The following CNTNAP2 variants were observed in gnomAD, a reference collection of about 807,000 sequenced individuals.
The protein encoded by CNTNAP2 is contactin-associated protein-like 2.
CNTNAP2 carries 98 observed loss-of-function variants against 155.2 expected under a neutral mutation model. The ratio of observed to expected loss-of-function variants is 0.63; its 90% CI spans 0.54 to 0.75. The LOEUF (loss-of-function observed/expected upper bound fraction) is 0.75. Among genes scored for constraint, CNTNAP2 ranks in the 30% least tolerant of loss-of-function variants. CNTNAP2 has a pLI of 0.00. For synonymous variants in CNTNAP2, 651 were observed against 631.2 expected (o/e 1.03, Z -0.47); for missense variants, 1,727 against 1,688.1 (o/e 1.02, Z -0.40).
At chr7:146,721,834 G>A (rs1370339435) in intron 1 of CNTNAP2, among the ~76,000 whole-genome samples, 1 of 101,400 alleles carries the variant, frequency 9.9e-6, no homozygotes, top group African/African-American at 5.9e-5. Flanking sequence ...ACTATATATA[G>A]TCTATATATA....
At chr7:147,687,820 T>C (rs1231415143) in intron 13 of CNTNAP2, among the ~76,000 whole-genome samples, 1 of 152,058 alleles carries the variant, frequency 6.6e-6, no homozygotes, top group Non-Finnish European at 1.5e-5. Context: ...GAAGTTAGGG[T>C]ACTAAGAGTG....
intron 15 of CNTNAP2, among the ~76,000 whole-genome samples, chr7:148,054,446 C>CTTTTTTTTTTTTTTTTTTTTTTT: frequency 9.2e-6 from 1 of 108,860 alleles, no homozygotes. Flanking sequence ...CTCTCAGTGG[C>CTTTTTTTTTTTTTTTTTTTTTTT]CTTTTTTTTT....
At chr7:146,728,202 C>G (rs1473471890) in intron 1 of CNTNAP2, among the ~76,000 whole-genome samples, 1 of 151,900 alleles carries the variant, frequency 6.6e-6, no homozygotes, top group Non-Finnish European at 1.5e-5. Flanking sequence ...TCAGGTAAAG[C>G]GTTCATCTTG....
chr7:146,433,676 C>G (rs1035966704), intron 1 of CNTNAP2, among the ~76,000 whole-genome samples: 1 of 152,072 alleles, frequency 6.6e-6, no homozygotes, highest in African/African-American at 2.4e-5. Flanking sequence ...TTGCAAAATG[C>G]TTCTCTATAC....
At position 148,233,985 on chromosome 7, in the gene CNTNAP2, C is replaced by T. The variant is rs375182625; in HGVS notation, c.3381+4206C>T. Among the ~76,000 whole-genome samples the T allele has an allele frequency of 3.9e-5, 6 of 152,300 alleles. 1 individual carries two copies. Among genetic ancestry groups the T allele is most frequent in the African/African-American group, 1.2e-4 (5 of 41,540 alleles). ...GCCATGTAAGACATGCCTGCTACCC[C>T]TTTGTCTTCTACTATGATTGTAAGT... On this transcript the variant is annotated intron_variant, in intron 20 of 23. Transcript: ENST00000361727.
intron 1 of CNTNAP2, among the ~76,000 whole-genome samples, chr7:146,770,317 T>TAC (rs60507060): frequency 0.24 from 33,941 of 143,516 alleles, 3,893 homozygotes; most frequent in East Asian, 0.36. Flanking sequence ...TGTGTGTGTA[T>TAC]ACACACACAC....
At chr7:146,986,791 T>C (rs926135323) in intron 3 of CNTNAP2, among the ~76,000 whole-genome samples, 1 of 152,182 alleles carries the variant, frequency 6.6e-6, no homozygotes, top group Non-Finnish European at 1.5e-5. Context: ...TTTCATATAT[T>C]TGTTGGCCAT....
intron 1 of CNTNAP2, among the ~76,000 whole-genome samples, chr7:146,157,180 C>T (rs1486141416): frequency 2.0e-5 from 3 of 151,902 alleles, no homozygotes; most frequent in South Asian, 4.1e-4. Flanking sequence ...AATTTCCAAA[C>T]ATCTAGATCT....
rs553056524 is a variant in CNTNAP2 at position 147,610,386 on chromosome 7, C to T, written c.1898-28720C>T. Among the ~76,000 whole-genome samples, 246 of 151,864 alleles carry T rather than the reference C, an allele frequency of 1.6e-3. 2 individuals carry two copies. Among genetic ancestry groups the T allele is most frequent in the African/African-American group, 5.9e-3 (243 of 41,430 alleles). ...GGTGAGATTACTGGGGCAAAGATTT[C>T]TTGACAATTGAGTTCCTTTTGAAGG... On this transcript the variant is annotated intron_variant, in intron 12 of 23. Coordinates refer to ENST00000361727, the MANE Select transcript of CNTNAP2 (RefSeq NM_014141.6).
chr7:147,738,372 A>C (rs1037058608), intron 13 of CNTNAP2, among the ~76,000 whole-genome samples: 3 of 152,220 alleles, frequency 2.0e-5, no homozygotes, highest in South Asian at 2.1e-4. Flanking sequence ...AAAATATTTC[A>C]TGAAAGGAAG....
intron 13 of CNTNAP2, among the ~76,000 whole-genome samples, chr7:147,698,464 T>C (rs1796191880): frequency 1.3e-5 from 2 of 152,204 alleles, no homozygotes; most frequent in Admixed American, 6.5e-5. Context: ...AGTTACCAAC[T>C]GTCTATTAAA....
At chr7:148,233,733 T>G (rs1471558352) in intron 20 of CNTNAP2, among the ~76,000 whole-genome samples, 2 of 152,236 alleles carry the variant, frequency 1.3e-5, no homozygotes, top group Admixed American at 6.5e-5. Context: ...CTTTATGAAG[T>G]ATGTGCCATC....
intron 11 of CNTNAP2, among the ~76,000 whole-genome samples, chr7:147,513,973 G>A (rs552740140): frequency 1.3e-5 from 2 of 152,200 alleles, no homozygotes; most frequent in African/African-American, 4.8e-5. Context: ...CCACCACATG[G>A]TCCTTTCACC....
At chr7:146,519,021 A>T (rs796166727) in intron 1 of CNTNAP2, among the ~76,000 whole-genome samples, 29 of 151,986 alleles carry the variant, frequency 1.9e-4, no homozygotes, top group African/African-American at 6.7e-4. Context: ...TCTACATTAA[A>T]CAGTTTATAA....
intron 3 of CNTNAP2, among the ~76,000 whole-genome samples, chr7:146,848,774 C>A (rs1585120814): frequency 6.6e-5 from 10 of 152,026 alleles, no homozygotes; most frequent in Admixed American, 6.6e-4. Flanking sequence ...AAAAGCTGAC[C>A]TTTATCTATT....
chr7:148,030,220 G>A (rs972245768), intron 15 of CNTNAP2, among the ~76,000 whole-genome samples: 3 of 152,098 alleles, frequency 2.0e-5, no homozygotes, highest in Admixed American at 1.3e-4. Context: ...GAATTATTCT[G>A]TGTCATCAAC....
At chr7:146,961,942 T>C (rs974541983) in intron 3 of CNTNAP2, among the ~76,000 whole-genome samples, 7 of 152,100 alleles carry the variant, frequency 4.6e-5, no homozygotes, top group Admixed American at 2.6e-4. Context: ...CTGCTTGAGG[T>C]CATAGAGAGA....
At chr7:147,310,267 A>G (rs1170278679) in intron 9 of CNTNAP2, among the ~76,000 whole-genome samples, 11 of 152,202 alleles carry the variant, frequency 7.2e-5, no homozygotes, top group African/African-American at 2.4e-5. Context: ...AGGAATGATT[A>G]CAAGAAGTTT....
intron 15 of CNTNAP2, among the ~76,000 whole-genome samples, chr7:148,116,226 A>C (rs1804467827): frequency 6.6e-6 from 1 of 152,092 alleles, no homozygotes; most frequent in Non-Finnish European, 1.5e-5. Context: ...ATATTTACAA[A>C]CATATTTTGC....
Sources: gnomAD v4.1 joint callset for allele counts (sites outside exome capture counted in the v4.1 genomes callset) on GRCh38, gnomAD v4.1.1 for gene constraint, MANE v1.5 for transcripts, NCBI Gene and HGNC (gene_info 2026-07-23, HGNC 2026-07-21) for gene names.